Variants in TEC observed in about 807,000 individuals in gnomAD.
The protein encoded by TEC is tec protein tyrosine kinase, also known as tyrosine-protein kinase Tec.
In TEC, 72 loss-of-function variants were observed where a neutral mutation model predicts 93.0. The observed-to-expected ratio is 0.77, with a 90% CI of 0.64 to 0.94. TEC has a LOEUF of 0.94. TEC is among the 40% of genes least tolerant of loss of function. The probability of loss-of-function intolerance (pLI) is 0.00; values close to 1 mark genes in which losing one functional copy is unlikely to be tolerated. For synonymous variants in TEC, 249 were observed against 247.7 expected (o/e 1.01, Z -0.05); for missense variants, 630 against 757.9 (o/e 0.83, Z 1.98).
intron 2 of TEC, among the ~76,000 whole-genome samples, chr4:48,194,399 T>C (rs948760982): frequency 5.9e-5 from 9 of 152,252 alleles, no homozygotes; most frequent in Non-Finnish European, 1.0e-4. Context: ...GGTCTTTAAA[T>C]CAGCTGCTAC....
At position 48,152,065 on chromosome 4, in the gene TEC, A is replaced by C. The variant is rs79407326; in HGVS notation, c.793-1123T>G. Among the ~76,000 whole-genome samples, 1,013 of 152,340 alleles carry C rather than the reference A, an allele frequency of 6.6e-3. 6 individuals are homozygous for C. Among genetic ancestry groups the C allele is most frequent in the Middle Eastern group, 0.024 (7 of 294 alleles). On this transcript the variant is annotated intron_variant, in intron 9 of 17. Transcript: ENST00000381501. Reference sequence around the variant, plus strand: ...TCTTGATAGGAAAAACAATGGAATTAAATAAATAAGGCTCCACAAAAATAT... The same window carrying C: ...TCTTGATAGGAAAAACAATGGAATTCAATAAATAAGGCTCCACAAAAATAT...
chr4:48,181,501 C>T (rs941459201), intron 2 of TEC, among the ~76,000 whole-genome samples: 2 of 151,804 alleles, frequency 1.3e-5, no homozygotes, highest in South Asian at 2.1e-4. Context: ...GGTGAAACCC[C>T]ATCTCTACTA....
chr4:48,264,803 AT>A (rs1056425080), intron 1 of TEC, among the ~76,000 whole-genome samples: 4 of 151,810 alleles, frequency 2.6e-5, no homozygotes, highest in African/African-American at 7.3e-5. Flanking sequence ...CGCCTGGCTA[AT>A]TTTTTTTATT....
chr4:48,261,629 T>G (rs1313333955), intron 1 of TEC, among the ~76,000 whole-genome samples: 1 of 152,160 alleles, frequency 6.6e-6, no homozygotes, highest in South Asian at 2.1e-4. Context: ...AGGTTTTTCC[T>G]ACTAAATCAC....
At chr4:48,205,095 T>C (rs1025062040) in intron 2 of TEC, among the ~76,000 whole-genome samples, 1 of 152,230 alleles carries the variant, frequency 6.6e-6, no homozygotes, top group African/African-American at 2.4e-5. Flanking sequence ...AACCCTTGGA[T>C]TTCTCTGAAA....
At chr4:48,193,702 C>CT (rs1490685704) in intron 2 of TEC, among the ~76,000 whole-genome samples, 1 of 151,520 alleles carries the variant, frequency 6.6e-6, no homozygotes, top group African/African-American at 2.4e-5. Context: ...TTAATACTGA[C>CT]TAGTAGCACT....
At chr4:48,184,790 C>CACACAG (rs1721734631) in intron 2 of TEC, among the ~76,000 whole-genome samples, 1 of 151,664 alleles carries the variant, frequency 6.6e-6, no homozygotes, top group Non-Finnish European at 1.5e-5. Context: ...CACACACACA[C>CACACAG]ACACACACAC....
intron 11 of TEC, among the ~76,000 whole-genome samples, chr4:48,148,175 A>C (rs770221603): frequency 6.6e-6 from 1 of 152,164 alleles, no homozygotes; most frequent in East Asian, 1.9e-4. Flanking sequence ...TTATGCTGAT[A>C]GTTGGCACAA....
chr4:48,240,384 C>G (rs1723894541), intron 1 of TEC, among the ~76,000 whole-genome samples: 1 of 152,008 alleles, frequency 6.6e-6, no homozygotes, highest in Non-Finnish European at 1.5e-5. Flanking sequence ...ACAAACAACA[C>G]AAGAAAAAGG....
rs370702216 is a variant in TEC, at chr4:48,212,382, C to T, written c.138+16095G>A. Among the ~76,000 whole-genome samples, 86 of 152,078 alleles carry T rather than the reference C, an allele frequency of 5.7e-4. 1 individual carries two copies. The South Asian group carries it at 0.017, about 31-fold the overall frequency. ...GTGAAGTTACTGTTTAAGGAAGTCCCCCTTTGTGGGAAGTAGAACAGTGTG... is the reference window on the plus strand; with the variant it reads ...GTGAAGTTACTGTTTAAGGAAGTCCTCCTTTGTGGGAAGTAGAACAGTGTG... On this transcript the variant is annotated intron_variant, in intron 2 of 17. Transcript: ENST00000381501.
intron 9 of TEC, among the ~76,000 whole-genome samples, chr4:48,153,974 A>G (rs1174956395): frequency 6.6e-6 from 1 of 152,244 alleles, no homozygotes; most frequent in Non-Finnish European, 1.5e-5. Context: ...AGAATTAAGA[A>G]TGAGGTAAAC....
At chr4:48,180,145 A>G (rs931222902) in intron 2 of TEC, among the ~76,000 whole-genome samples, 11 of 152,294 alleles carry the variant, frequency 7.2e-5, no homozygotes, top group African/African-American at 2.6e-4. Context: ...GGCTGGTGCA[A>G]AAGTAATTGT....
intron 2 of TEC, among the ~76,000 whole-genome samples, chr4:48,183,514 C>A (rs1721679442): frequency 6.6e-6 from 1 of 152,194 alleles, no homozygotes; most frequent in Admixed American, 6.5e-5. Flanking sequence ...GCAAATAGAA[C>A]AAACAAAGGC....
intron 2 of TEC, among the ~76,000 whole-genome samples, chr4:48,180,606 G>C (rs935067214): frequency 6.6e-6 from 1 of 152,198 alleles, no homozygotes; most frequent in African/African-American, 2.4e-5. Flanking sequence ...AGATAATGGA[G>C]AGAGTTTCAG....
At chr4:48,219,928 T>C (rs1395443481) in intron 2 of TEC, among the ~76,000 whole-genome samples, 1 of 152,046 alleles carries the variant, frequency 6.6e-6, no homozygotes, top group East Asian at 1.9e-4. Flanking sequence ...CTAAGCCCCA[T>C]AGGGCTGGAC....
intron 2 of TEC, among the ~76,000 whole-genome samples, chr4:48,200,307 G>A (rs1722459407): frequency 1.3e-5 from 2 of 152,180 alleles, no homozygotes; most frequent in Admixed American, 6.5e-5. Context: ...AAGAATTGCA[G>A]ATCAATGTGG....
chr4:48,186,003 G>A (rs968509608), intron 2 of TEC, among the ~76,000 whole-genome samples: 6 of 152,160 alleles, frequency 3.9e-5, no homozygotes, highest in African/African-American at 1.2e-4. Flanking sequence ...GATTGCAGGC[G>A]CGCGCCGCCA....
At chr4:48,191,695 AGTG>A (rs1722098249) in intron 2 of TEC, among the ~76,000 whole-genome samples, 1 of 151,722 alleles carries the variant, frequency 6.6e-6, no homozygotes, top group Non-Finnish European at 1.5e-5. Context: ...TGCAGGGCAC[AGTG>A]GCTCATGCCT....
At chr4:48,263,801 T>G (rs1724562252) in intron 1 of TEC, among the ~76,000 whole-genome samples, 1 of 152,202 alleles carries the variant, frequency 6.6e-6, no homozygotes, top group Non-Finnish European at 1.5e-5. Context: ...TTGCCCCCTA[T>G]GACAACTATG....
Sources: gnomAD v4.1 joint callset for allele counts (sites outside exome capture counted in the v4.1 genomes callset) on GRCh38, gnomAD v4.1.1 for gene constraint, MANE v1.5 for transcripts, NCBI Gene and HGNC (gene_info 2026-07-23, HGNC 2026-07-21) for gene names.